The following CARF variants were observed in gnomAD, a reference collection of about 807,000 sequenced individuals.
The protein encoded by CARF is calcium responsive transcription factor.
Under a neutral mutation model 82.0 loss-of-function variants are expected in CARF, and 57 were observed. That is an observed-to-expected ratio of 0.70 (90% CI 0.56 to 0.87). The LOEUF is 0.87. CARF is among the 40% of genes least tolerant of loss of function. The probability of loss-of-function intolerance (pLI) is 0.00; values close to 1 mark genes in which losing one functional copy is unlikely to be tolerated. For missense variants in CARF, 771 were observed against 855.8 expected (o/e 0.90, Z 1.24); for synonymous variants, 268 against 290.1 (o/e 0.92, Z 0.77).
At chr2:202,920,622 C>T (rs954204909) in intron 2 of CARF, among the ~76,000 whole-genome samples, 3 of 151,720 alleles carry the variant, frequency 2.0e-5, no homozygotes, top group African/African-American at 7.3e-5. Context: ...CAAGATCGCG[C>T]CATTGCACTC....
Position 202,978,393 on chromosome 2 carries a change from T to C in CARF, c.1558+1061T>C, listed in dbSNP as rs114571080. 1.5e-3 allele frequency among the ~76,000 whole-genome samples: 227 copies of C among 152,240 alleles called. 2 individuals carry two copies. The highest frequency in any genetic ancestry group is 5.3e-3 in the African/African-American group (220 of 41,536). ...AAAAAGTGTACCACTTTTTCAGGAA[T>C]TTTGCAATGGCAAATGGGGTTGAGG... On this transcript the variant is annotated intron_variant, in intron 14 of 16. Coordinates refer to ENST00000438828, the MANE Select transcript of CARF (RefSeq NM_024744.17).
chr2:202,917,210 CAAAAAA>C (rs71034203), intron 1 of CARF, among the ~76,000 whole-genome samples: 10 of 47,010 alleles, frequency 2.1e-4, no homozygotes, highest in Non-Finnish European at 2.4e-4. Flanking sequence ...GACTCCGTCT[CAAAAAA>C]AAAAAAAAAA....
At chr2:202,951,475 G>A (rs1017970604) in intron 5 of CARF, among the ~76,000 whole-genome samples, 5 of 152,106 alleles carry the variant, frequency 3.3e-5, no homozygotes, top group Non-Finnish European at 7.4e-5. Flanking sequence ...TAATAGGAGA[G>A]TAGTATGTTA....
chr2:202,937,055 T>G (rs1204456878), intron 3 of CARF, among the ~76,000 whole-genome samples: 1 of 152,232 alleles, frequency 6.6e-6, no homozygotes, highest in Non-Finnish European at 1.5e-5. Context: ...GAAGATAGTA[T>G]TCTTTCCTCA....
chr2:202,930,396 T>G (rs1692668125), intron 3 of CARF, among the ~76,000 whole-genome samples: 1 of 152,188 alleles, frequency 6.6e-6, no homozygotes, highest in African/African-American at 2.4e-5. Flanking sequence ...TCTTATAGAC[T>G]TTCTTTGTTC....
Position 202,918,009 on chromosome 2 carries a change from A to G in CARF, c.-197A>G. 2.2e-6 allele frequency: 1 copy of G among 452,162 alleles called. No individual in the cohort carries two copies. Among genetic ancestry groups the G allele is most frequent in the Non-Finnish European group, 4.4e-6 (1 of 225,474 alleles). The allele number at this position is 452,162 out of a possible 1,614,324, so 28.0% of individuals were successfully genotyped here. On this transcript the variant is annotated 5_prime_UTR_variant, in exon 2 of 17. Transcript: ENST00000438828. ...ATTTCTGGGGGTAGTAGAATGCTTG[A>G]GGCCTGGAATTTAAACCTGAGCCAC...
chr2:202,925,843 G>C (rs1311370027), intron 3 of CARF: 2 of 195,704 alleles, frequency 1.0e-5, no homozygotes, highest in African/African-American at 4.7e-5. Flanking sequence ...AGGAGAGCCA[G>C]GTGGAGTCTG....
In CARF at chr2:202,967,077, A is replaced by G. The variant is rs773735989; in HGVS notation, c.932A>G (p.Tyr311Cys). The change falls in exon 10 of 17, where the codon TAC becomes TGC. Residue 311 changes from tyrosine to cysteine, a missense_variant. Tyr to Cys is a radical substitution (Grantham distance 194). Transcript: ENST00000438828. ...CAGGAAAGCAGGTCTTGTCAGCTCT[A>G]CAAAGCCACTTGTCCAGCTCGGTAA... ...SEQESRSCQL[Y>C]KATCPARIYI... The G allele has an allele frequency of 4.4e-5, 71 of 1,613,958 alleles. No individual in the cohort carries two copies. Among genetic ancestry groups the G allele is most frequent in the Non-Finnish European group, 5.6e-5 (66 of 1,179,986 alleles).
intron 14 of CARF, among the ~76,000 whole-genome samples, chr2:202,980,662 A>ATATATATATATATATATAT (rs2060223733): frequency 8.7e-6 from 1 of 115,066 alleles, no homozygotes; most frequent in Non-Finnish European, 1.8e-5. Flanking sequence ...ATATATATAT[A>ATATATATATATATATATAT]GTTGTGCCTC....
At chr2:202,976,577 A>C (rs1180122569) in intron 13 of CARF, among the ~76,000 whole-genome samples, 1 of 152,186 alleles carries the variant, frequency 6.6e-6, no homozygotes, top group African/African-American at 2.4e-5. Context: ...AACTAATTAC[A>C]ATACAGCCAG....
chr2:202,920,818 A>AT (rs1220581638), intron 2 of CARF, among the ~76,000 whole-genome samples: 12 of 152,186 alleles, frequency 7.9e-5, no homozygotes, highest in African/African-American at 2.4e-4. Context: ...TAGATATTTC[A>AT]TTTTTAATAA....
At chr2:202,929,843 T>G (rs1692547693) in intron 3 of CARF, among the ~76,000 whole-genome samples, 1 of 152,142 alleles carries the variant, frequency 6.6e-6, no homozygotes, top group Admixed American at 6.6e-5. Flanking sequence ...TCCTCCTGCC[T>G]CAGCCTTCTG....
rs527527801 is a variant in CARF, at chr2:202,968,179, G to A, written c.953+1081G>A. 1.3e-4 allele frequency among the ~76,000 whole-genome samples: 20 copies of A among 152,128 alleles called. No homozygotes were observed. In the East Asian group the frequency reaches 2.7e-3, roughly 21 times the overall value. On this transcript the variant is annotated intron_variant, in intron 10 of 16. Transcript: ENST00000438828. ...AGCACTTTGGGAGGCCGAGGTGGGC[G>A]GATTACAAGGTCAGGAGTTCAAGAC... is the stretch of plus-strand genomic sequence containing the variant.
intron 3 of CARF, among the ~76,000 whole-genome samples, chr2:202,940,817 G>A (rs187851903): frequency 6.6e-6 from 1 of 152,172 alleles, no homozygotes; most frequent in African/African-American, 2.4e-5. Flanking sequence ...TTTGGAGTTG[G>A]GGGGAGGGGA....
At chr2:202,983,336 T>C (rs2060341744) in intron 16 of CARF, among the ~76,000 whole-genome samples, 170 bp from the exon 17 acceptor site, 1 of 152,232 alleles carries the variant, frequency 6.6e-6, no homozygotes, top group African/African-American at 2.4e-5. Context: ...GTTACTTCTT[T>C]GCACATGAAT....
At chr2:202,966,955 C>A in intron 9 of CARF, 23 bp from the exon 10 acceptor site, 1 of 1,609,452 alleles carries the variant, frequency 6.2e-7, no homozygotes, top group Non-Finnish European at 8.5e-7. Context: ...GAATTAATAT[C>A]AATAGTTGGT....
chr2:202,936,387 A>G (rs1693951724), intron 3 of CARF, among the ~76,000 whole-genome samples: 1 of 152,198 alleles, frequency 6.6e-6, no homozygotes, highest in African/African-American at 2.4e-5. Context: ...GCTTCAAAAC[A>G]TCTTCATCAC....
rs1346998124 is a variant in CARF at position 202,985,737 on chromosome 2, T to G, written c.*2113T>G. The G allele has an allele frequency of 6.6e-6, 1 of 152,164 alleles. No homozygotes were observed. Among genetic ancestry groups the G allele is most frequent in the East Asian group, 1.9e-4 (1 of 5,204 alleles). 9.4% of individuals were successfully genotyped at this position (152,164 alleles called of 1,614,324 possible). On this transcript the variant is annotated 3_prime_UTR_variant, in exon 17 of 17. Transcript: ENST00000438828. ...TTCTTTCAAGATTCTAAATAATAAA[T>G]CGTTACGTCTCAATAGTGGTAATAG...
chr2:202,932,009 TG>T (rs1693028955), intron 3 of CARF, among the ~76,000 whole-genome samples: 1 of 152,138 alleles, frequency 6.6e-6, no homozygotes, highest in Admixed American at 6.5e-5. Context: ...TGGCTTCTAC[TG>T]GGGAGGCGTC....
Sources: gnomAD v4.1 joint callset for allele counts (sites outside exome capture counted in the v4.1 genomes callset) on GRCh38, gnomAD v4.1.1 for gene constraint, MANE v1.5 for transcripts, NCBI Gene and HGNC (gene_info 2026-07-23, HGNC 2026-07-21) for gene names.